CHSY3: variants seen among roughly 807,000 people sequenced by gnomAD.
The protein encoded by CHSY3 is N-acetylgalactosaminyl-proteoglycan 3-beta-glucuronosyltransferase 3.
A neutral mutation model predicts 67.2 loss-of-function variants in CHSY3; 35 were observed. The observed-to-expected ratio is 0.52, with a 90% confidence interval of 0.40 to 0.69. The LOEUF is 0.69. CHSY3 is among the 30% of genes least tolerant of loss of function. The pLI is 0.00. For synonymous variants in CHSY3, 474 were observed against 434.7 expected, an observed-to-expected ratio of 1.09 and a Z score of -1.12; for missense variants, 1,069 against 1,138.5, an observed-to-expected ratio of 0.94 and a Z score of 0.88.
intron 2 of CHSY3, among the ~76,000 whole-genome samples, chr5:130,031,986 A>G (rs1226559935): frequency 1.3e-5 from 2 of 152,192 alleles, no homozygotes; most frequent in Non-Finnish European, 2.9e-5. Context: ...CTTGATAAAT[A>G]TGCAATTTGA....
At chr5:130,020,272 T>A (rs564513978) in intron 2 of CHSY3, among the ~76,000 whole-genome samples, 25 of 150,960 alleles carry the variant, frequency 1.7e-4, no homozygotes, top group African/African-American at 5.8e-4. Flanking sequence ...ACAAAAAAAA[T>A]TAGCAGGGTG....
intron 2 of CHSY3, among the ~76,000 whole-genome samples, chr5:129,922,961 G>A (rs1366490762): frequency 6.6e-6 from 1 of 152,228 alleles, no homozygotes; most frequent in Non-Finnish European, 1.5e-5. Flanking sequence ...ATAATGGGGA[G>A]CTTTGAAGAG....
chr5:130,041,979 C>T (rs913618973), intron 2 of CHSY3, among the ~76,000 whole-genome samples: 2 of 152,204 alleles, frequency 1.3e-5, no homozygotes, highest in African/African-American at 4.8e-5. Flanking sequence ...TGGCTCACAC[C>T]TGTAATCCCA....
chr5:130,158,422 AACATCTAGCTAT>A lies in CHSY3; in HGVS notation c.1087-25804_1087-25793del, dbSNP rs1299569521. On this transcript the variant is annotated intron_variant, in intron 2 of 2. Transcript: ENST00000305031. ...GTATCCTGTTCTTAAAGAAGCAAGT[AACATCTAGCTAT>A]ACCCTACGTTAAGTTTCCTAGAGTA... Among the ~76,000 whole-genome samples, 3 of 152,320 alleles carry A rather than the reference AACATCTAGCTAT, an allele frequency of 2.0e-5. No homozygotes were observed. The East Asian group carries it at 5.8e-4, about 29-fold the overall frequency.
At chr5:130,092,281 AAGGGTTT>A (rs1001583965) in intron 2 of CHSY3, among the ~76,000 whole-genome samples, 1 of 152,168 alleles carries the variant, frequency 6.6e-6, no homozygotes, top group Admixed American at 6.5e-5. Context: ...CACTGTGGAA[AAGGGTTT>A]AGTTTTGGGG....
At chr5:130,071,453 G>A (rs1766062419) in intron 2 of CHSY3, among the ~76,000 whole-genome samples, 1 of 151,912 alleles carries the variant, frequency 6.6e-6, no homozygotes, top group Non-Finnish European at 1.5e-5. Flanking sequence ...ACTCATATCT[G>A]TGGGAGAAAA....
intron 2 of CHSY3, among the ~76,000 whole-genome samples, chr5:130,174,187 A>T (rs1224410548): frequency 6.6e-6 from 1 of 152,026 alleles, no homozygotes; most frequent in Non-Finnish European, 1.5e-5. Context: ...TCTAATTTGC[A>T]GAGTCTTCAC....
At chr5:129,998,978 C>T (rs149892188) in intron 2 of CHSY3, among the ~76,000 whole-genome samples, 1 of 152,088 alleles carries the variant, frequency 6.6e-6, no homozygotes, top group East Asian at 1.9e-4. Flanking sequence ...ATTTGACATA[C>T]AGAAAGGATT....
chr5:129,906,285 A>T (rs1760295273), intron 1 of CHSY3, among the ~76,000 whole-genome samples: 2 of 151,764 alleles, frequency 1.3e-5, no homozygotes, highest in Non-Finnish European at 2.9e-5. Context: ...ACAGTTCAGC[A>T]CCAAGCCGTC....
chr5:130,127,745 A>G (rs1022192108), intron 2 of CHSY3, among the ~76,000 whole-genome samples: 1 of 152,182 alleles, frequency 6.6e-6, no homozygotes, highest in Non-Finnish European at 1.5e-5. Flanking sequence ...TTAAGGATTA[A>G]AACCTGTTTC....
chr5:130,180,926 T>C (rs1031333100), intron 2 of CHSY3, among the ~76,000 whole-genome samples: 1 of 152,240 alleles, frequency 6.6e-6, no homozygotes, highest in Non-Finnish European at 1.5e-5. Flanking sequence ...TATGTTTTCA[T>C]TATTAATAAT....
chr5:130,002,566 A>G (rs1763758191), intron 2 of CHSY3, among the ~76,000 whole-genome samples: 1 of 152,020 alleles, frequency 6.6e-6, no homozygotes, highest in Non-Finnish European at 1.5e-5. Context: ...GTACTCAGTC[A>G]TTTTTCAGGC....
At chr5:130,182,677 G>T (rs1443528742) in intron 2 of CHSY3, among the ~76,000 whole-genome samples, 2 of 151,928 alleles carry the variant, frequency 1.3e-5, no homozygotes, top group African/African-American at 4.8e-5. Flanking sequence ...GGATGTAGGG[G>T]ATCCGTTTTT....
intron 2 of CHSY3, among the ~76,000 whole-genome samples, chr5:130,143,817 T>TTG (rs1768985497): frequency 1.9e-5 from 2 of 102,976 alleles, no homozygotes; most frequent in South Asian, 6.3e-4. Flanking sequence ...TGTGTATATA[T>TTG]ATATATATAT....
intron 2 of CHSY3, among the ~76,000 whole-genome samples, chr5:130,153,646 A>G (rs1333225454): frequency 6.6e-6 from 1 of 151,964 alleles, no homozygotes; most frequent in African/African-American, 2.4e-5. Context: ...TCCTGATGTC[A>G]CCTCTGCAAG....
intron 2 of CHSY3, among the ~76,000 whole-genome samples, chr5:130,045,298 G>T (rs1378999161): frequency 6.6e-6 from 1 of 152,116 alleles, no homozygotes. Flanking sequence ...GTAAAACAAT[G>T]ATGTGCTCAG....
At chr5:129,964,734 T>C (rs1032317022) in intron 2 of CHSY3, among the ~76,000 whole-genome samples, 5 of 151,948 alleles carry the variant, frequency 3.3e-5, no homozygotes, top group African/African-American at 1.2e-4. Context: ...GTCATAAGAC[T>C]GGTTATTAGT....
intron 2 of CHSY3, among the ~76,000 whole-genome samples, chr5:130,162,432 G>C (rs30261): frequency 0.4 from 60,547 of 152,218 alleles, 13,469 homozygotes; most frequent in Non-Finnish European, 0.5. Context: ...AAAGCTGGTC[G>C]ATGGACTCTC....
chr5:130,003,126 C>T (rs6896280), intron 2 of CHSY3, among the ~76,000 whole-genome samples: 2,165 of 152,092 alleles, frequency 0.014, 50 homozygotes, highest in African/African-American at 0.049. Context: ...TTGATGTTGG[C>T]GATAGTGTTG....
Sources: allele counts gnomAD v4.1 joint callset (sites outside exome capture counted in the v4.1 genomes callset), GRCh38; gene constraint gnomAD v4.1.1; transcripts MANE v1.5; gene names NCBI Gene and HGNC (gene_info 2026-07-23, HGNC 2026-07-21).